GRXCR1: variants seen among roughly 807,000 people sequenced by gnomAD.
GRXCR1 encodes the protein glutaredoxin and cysteine rich domain containing 1.
Under a neutral mutation model 27.3 loss-of-function variants are expected in GRXCR1, and 27 were observed. That is an observed-to-expected ratio of 0.99 (90% CI 0.73 to 1.37). The LOEUF is 1.37. GRXCR1 is among the 40% of genes most tolerant of loss of function. GRXCR1 has a pLI of 0.00. For synonymous variants in GRXCR1, 122 were observed against 131.1 expected (o/e 0.93, Z 0.47); for missense variants, 379 against 354.4 (o/e 1.07, Z -0.56).
intron 1 of GRXCR1, among the ~76,000 whole-genome samples, chr4:42,961,629 C>T (rs1293541485): frequency 6.6e-6 from 1 of 151,988 alleles, no homozygotes; most frequent in Non-Finnish European, 1.5e-5. Context: ...CTCCAGGCCT[C>T]TGGGTTTTCA....
At chr4:42,947,805 T>G (rs1326640405) in intron 1 of GRXCR1, among the ~76,000 whole-genome samples, 1 of 152,198 alleles carries the variant, frequency 6.6e-6, no homozygotes, top group East Asian at 1.9e-4. Flanking sequence ...TTATTTTTAG[T>G]TTGAATATAC....
intron 1 of GRXCR1, among the ~76,000 whole-genome samples, chr4:42,902,079 C>G (rs759407144): frequency 1.3e-5 from 2 of 152,042 alleles, no homozygotes; most frequent in Non-Finnish European, 2.9e-5. Flanking sequence ...TTTTTGGACT[C>G]TGGTCTTGAA....
intron 3 of GRXCR1, among the ~76,000 whole-genome samples, chr4:43,023,489 A>G (rs1713159544): frequency 6.6e-6 from 1 of 152,170 alleles, no homozygotes; most frequent in Non-Finnish European, 1.5e-5. Flanking sequence ...TTTGTTGATG[A>G]AGATTATTAG....
chr4:42,979,810 G>C (rs1748607196), intron 2 of GRXCR1, among the ~76,000 whole-genome samples: 1 of 151,856 alleles, frequency 6.6e-6, no homozygotes, highest in Non-Finnish European at 1.5e-5. Context: ...GCTTTTGTAT[G>C]ATGAAATACT....
At chr4:42,921,007 C>T (rs376255801) in intron 1 of GRXCR1, among the ~76,000 whole-genome samples, 26 of 152,066 alleles carry the variant, frequency 1.7e-4, no homozygotes, top group African/African-American at 5.8e-4. Flanking sequence ...CTATTAGTAC[C>T]TACATCCACT....
chr4:42,932,617 TATAGAGAGAGAGAGAGAG>T (rs1480994054), intron 1 of GRXCR1, among the ~76,000 whole-genome samples: 9 of 29,136 alleles, frequency 3.1e-4, no homozygotes, highest in African/African-American at 4.7e-4. Flanking sequence ...TATATATATA[TATAGAGAGAGAGAGAGAG>T]AGAGAGAGAG....
At chr4:42,916,993 C>T (rs1194677568) in intron 1 of GRXCR1, among the ~76,000 whole-genome samples, 2 of 152,010 alleles carry the variant, frequency 1.3e-5, no homozygotes, top group South Asian at 2.1e-4. Flanking sequence ...GACAAATAAA[C>T]TATTATTTTG....
At chr4:43,006,645 G>A (rs908294429) in intron 2 of GRXCR1, among the ~76,000 whole-genome samples, 1 of 152,160 alleles carries the variant, frequency 6.6e-6, no homozygotes, top group Non-Finnish European at 1.5e-5. Flanking sequence ...TGACAATGGT[G>A]CCCGAAACTT....
In GRXCR1 at chr4:42,904,518, A is replaced by G. The variant is rs200995442; in HGVS notation, c.384+10868A>G. 2.0e-5 allele frequency among the ~76,000 whole-genome samples: 3 copies of G among 152,208 alleles called. No homozygotes were observed. The East Asian group carries it at 5.8e-4, about 29-fold the overall frequency. On this transcript the variant is annotated intron_variant, in intron 1 of 3. Coordinates refer to ENST00000399770, the MANE Select transcript of GRXCR1 (RefSeq NM_001080476.3). Reference sequence around the variant, plus strand: ...CTCTGGAGGGAGATGACCTGGTTTCAGATGCAGTCTAACTTTTCCTAGTTG... The same window carrying G: ...CTCTGGAGGGAGATGACCTGGTTTCGGATGCAGTCTAACTTTTCCTAGTTG...
chr4:42,930,248 T>C (rs1056473618), intron 1 of GRXCR1, among the ~76,000 whole-genome samples: 48 of 152,038 alleles, frequency 3.2e-4, no homozygotes, highest in African/African-American at 1.1e-3. Context: ...TTAATACTTA[T>C]TATTAGGCAA....
chr4:42,908,405 T>C (rs4861235), intron 1 of GRXCR1, among the ~76,000 whole-genome samples: 6 of 152,070 alleles, frequency 3.9e-5, no homozygotes, highest in African/African-American at 1.4e-4. Flanking sequence ...CTGGGCTTGA[T>C]CCAGAACCCT....
In GRXCR1 at chr4:42,907,962, C is replaced by T. The variant is rs552446607; in HGVS notation, c.384+14312C>T. On this transcript the variant is annotated intron_variant, in intron 1 of 3. Coordinates refer to ENST00000399770, the MANE Select transcript of GRXCR1 (RefSeq NM_001080476.3). ...GGTTCCTGGATCCATGAATTCTAGC[C>T]ATTGGCAATGTAGCACCACATAATA... 7.9e-5 allele frequency among the ~76,000 whole-genome samples: 12 copies of T among 152,250 alleles called. No homozygotes were observed. The South Asian group carries it at 2.5e-3, about 32-fold the overall frequency.
At chr4:42,946,765 G>A (rs1319242975) in intron 1 of GRXCR1, among the ~76,000 whole-genome samples, 1 of 152,042 alleles carries the variant, frequency 6.6e-6, no homozygotes, top group Admixed American at 6.6e-5. Flanking sequence ...CCTCTCAAAA[G>A]CCCCATCTCT....
chr4:43,013,878 T>TG (rs1391155676), intron 2 of GRXCR1, among the ~76,000 whole-genome samples: 1 of 152,078 alleles, frequency 6.6e-6, no homozygotes, highest in African/African-American at 2.4e-5. Flanking sequence ...AATACACCCT[T>TG]GCGAACATCT....
At chr4:42,977,986 G>A (rs948227707) in intron 2 of GRXCR1, among the ~76,000 whole-genome samples, 2 of 152,034 alleles carry the variant, frequency 1.3e-5, no homozygotes, top group African/African-American at 2.4e-5. Context: ...TGTATATGGT[G>A]TATGACAAGG....
intron 2 of GRXCR1, among the ~76,000 whole-genome samples, chr4:43,015,346 G>A (rs1712898283): frequency 6.6e-6 from 1 of 152,074 alleles, no homozygotes; most frequent in African/African-American, 2.4e-5. Flanking sequence ...TAAATAAATG[G>A]CAGGGAAGCA....
At chr4:42,976,873 C>T (rs1261637727) in intron 2 of GRXCR1, among the ~76,000 whole-genome samples, 1 of 151,944 alleles carries the variant, frequency 6.6e-6, no homozygotes. Flanking sequence ...TTGTTATTAA[C>T]TCTAGTCCTC....
intron 1 of GRXCR1, among the ~76,000 whole-genome samples, chr4:42,944,886 C>G (rs78755338): frequency 1.2e-4 from 19 of 152,198 alleles, no homozygotes; most frequent in African/African-American, 4.1e-4. Flanking sequence ...ATCTAGCTCA[C>G]TAAATCTGCT....
rs575372324 is a variant in GRXCR1, at chr4:42,994,924, A to T, written c.628-25430A>T. Among the ~76,000 whole-genome samples the T allele has an allele frequency of 3.3e-5, 5 of 152,288 alleles. No individual in the cohort carries two copies. In the South Asian group the frequency reaches 1.0e-3, roughly 32 times the overall value. ...GATATTTTAAACATCAAAAATGCTT[A>T]ATATTACTGTCTTAAATACAATCAT... On this transcript the variant is annotated intron_variant, in intron 2 of 3. Coordinates refer to ENST00000399770, the MANE Select transcript of GRXCR1 (RefSeq NM_001080476.3).
Sources: allele counts gnomAD v4.1 joint callset (sites outside exome capture counted in the v4.1 genomes callset), GRCh38; gene constraint gnomAD v4.1.1; transcripts MANE v1.5; gene names NCBI Gene and HGNC (gene_info 2026-07-23, HGNC 2026-07-21).